The following PGLYRP3 variants were observed in gnomAD, a reference collection of about 807,000 sequenced individuals.
PGLYRP3 encodes peptidoglycan recognition protein I alpha.
Under a neutral mutation model 36.0 loss-of-function variants are expected in PGLYRP3, and 39 were observed. The observed-to-expected ratio is 1.08, with a 90% CI of 0.84 to 1.41. The LOEUF is 1.41. Ranked by LOEUF, PGLYRP3 falls within the 40% of genes most tolerant of loss-of-function variation. The pLI is 0.00. For missense variants in PGLYRP3, 407 were observed against 427.9 expected (o/e 0.95, Z 0.43); for synonymous variants, 204 against 172.8 (o/e 1.18, Z -1.42).
intron 6 of PGLYRP3, among the ~76,000 whole-genome samples, chr1:153,300,247 T>G (rs1659552202): frequency 6.6e-6 from 1 of 152,144 alleles, no homozygotes; most frequent in East Asian, 1.9e-4. Flanking sequence ...CTCTTCCTCC[T>G]TCTTTGCCTG....
At chr1:153,298,937 A>G (rs1245341832) in intron 7 of PGLYRP3, among the ~76,000 whole-genome samples, 176 bp downstream of exon 7, 1 of 152,150 alleles carries the variant, frequency 6.6e-6, no homozygotes, top group Non-Finnish European at 1.5e-5. Context: ...TTGGGGGTAA[A>G]TGCTCTGTCT....
At chr1:153,299,085 A>C (rs1557806616) in intron 7 of PGLYRP3, 28 bp downstream of exon 7, 2 of 1,579,154 alleles carry the variant, frequency 1.3e-6, no homozygotes, top group Admixed American at 1.7e-5. Flanking sequence ...AACCCCCAGC[A>C]CCCCTCTACC....
intron 6 of PGLYRP3, among the ~76,000 whole-genome samples, chr1:153,300,616 A>G (rs1659567097): frequency 6.6e-6 from 1 of 152,230 alleles, no homozygotes; most frequent in African/African-American, 2.4e-5. Flanking sequence ...CTGTAACAAG[A>G]ACTTTTGCCA....
rs1659446202 is a variant in PGLYRP3 at position 153,297,166 on chromosome 1, T to C, written c.*790A>G. Among the ~76,000 whole-genome samples, 4 of 152,276 alleles carry C rather than the reference T, an allele frequency of 2.6e-5. No individual in the cohort carries two copies. The highest frequency in any genetic ancestry group is 1.3e-4 in the Admixed American group (2 of 15,298). On this transcript the variant is annotated 3_prime_UTR_variant, in exon 8 of 8. Coordinates refer to ENST00000683862, the MANE Select transcript of PGLYRP3 (RefSeq NM_052891.3). ...TTCTTTAACAAACATCTGTAGAACC[T>C]ATTAAACTCCAAACACTGCTGAGGA...
At position 153,300,568 on chromosome 1, in the gene PGLYRP3, G is replaced by A. The variant is rs529956999; in HGVS notation, c.729-1337C>T. ...GCACACAAGCCTACAATAAGAACTA[G>A]CACAAAGACTCTCTGAAGGACTCTT... On this transcript the variant is annotated intron_variant, in intron 6 of 7. Transcript: ENST00000683862. 5.3e-4 allele frequency among the ~76,000 whole-genome samples: 81 copies of A among 152,262 alleles called. 2 individuals carry two copies. In the South Asian group the frequency reaches 0.016, roughly 31 times the overall value.
chr1:153,310,472 T>C (rs1418641303), intron 2 of PGLYRP3, 139 bp downstream of exon 2: 1 of 847,292 alleles, frequency 1.2e-6, no homozygotes, highest in Non-Finnish European at 2.0e-6. Flanking sequence ...CTGTAAACTC[T>C]AGAACAGGGC....
intron 3 of PGLYRP3, 79 bp from the exon 4 acceptor site, chr1:153,305,144 G>C: frequency 3.4e-6 from 4 of 1,181,292 alleles, no homozygotes; most frequent in South Asian, 2.9e-5. Context: ...AGGAAAAGGG[G>C]TTCTGGAGGC....
chr1:153,299,247 G>T lies in PGLYRP3; in HGVS notation c.729-16C>A. 1 of 1,581,426 alleles carries T rather than the reference G, an allele frequency of 6.3e-7. No homozygotes were observed. Among genetic ancestry groups the T allele is most frequent in the South Asian group, 1.1e-5 (1 of 90,170 alleles). On this transcript the variant is annotated splice_polypyrimidine_tract_variant and intron_variant, in intron 6 of 7. Coordinates refer to ENST00000683862, the MANE Select transcript of PGLYRP3 (RefSeq NM_052891.3). ...CACCAGGAAGCTTAGGTCAGGAAAA[G>T]AAAATGAAGACAGTCACTCTGGGAA...
At chr1:153,309,907 G>A (rs916931986) in intron 2 of PGLYRP3, among the ~76,000 whole-genome samples, 1 of 152,238 alleles carries the variant, frequency 6.6e-6, no homozygotes, top group Non-Finnish European at 1.5e-5. Flanking sequence ...TGAAAGGCCT[G>A]TGAGTTTCTC....
intron 2 of PGLYRP3, 131 bp from the exon 3 acceptor site, chr1:153,307,398 C>T: frequency 2.5e-6 from 2 of 814,360 alleles, no homozygotes; most frequent in Non-Finnish European, 1.9e-6. Flanking sequence ...TGGGGGAGCC[C>T]TTCACCACCA....
At chr1:153,303,239 C>G (rs1257508451) in intron 5 of PGLYRP3, among the ~76,000 whole-genome samples, 2 of 152,160 alleles carry the variant, frequency 1.3e-5, no homozygotes, top group Non-Finnish European at 2.9e-5. Flanking sequence ...TTTTATTACT[C>G]AGCTTTTTGT....
chr1:153,299,110 T>C lies in PGLYRP3; in HGVS notation c.847+3A>G. 1 of 1,612,918 alleles carries C rather than the reference T, an allele frequency of 6.2e-7. No individual in the cohort carries two copies. The highest frequency in any genetic ancestry group is 2.2e-5 in the East Asian group (1 of 44,876). ...ACCCCTCTACCCCATGCTCACCCCT[T>C]ACCTACAAAGTAGCCGATGAAGGCA... On this transcript the variant is annotated splice_donor_region_variant and intron_variant, in intron 7 of 7. Coordinates refer to ENST00000683862, the MANE Select transcript of PGLYRP3 (RefSeq NM_052891.3).
At chr1:153,308,028 G>A (rs1482913900) in intron 2 of PGLYRP3, among the ~76,000 whole-genome samples, 34 of 149,854 alleles carry the variant, frequency 2.3e-4, no homozygotes, top group Middle Eastern at 3.5e-3. Flanking sequence ...GGAGTCTCGC[G>A]CTGTCACCCA....
In PGLYRP3 at chr1:153,300,035, A is replaced by T. The variant is rs142504616; in HGVS notation, c.729-804T>A. 3.1e-3 allele frequency among the ~76,000 whole-genome samples: 465 copies of T among 152,300 alleles called. 3 individuals are homozygous for T. The highest frequency in any genetic ancestry group is 0.01 in the African/African-American group (416 of 41,556). On this transcript the variant is annotated intron_variant, in intron 6 of 7. Coordinates refer to ENST00000683862, the MANE Select transcript of PGLYRP3 (RefSeq NM_052891.3). Reference sequence around the variant, plus strand: ...ATTTTTCTAAAATACAAATCCTATCATAGAGCATGACCTCCCAAATAGTCT... The same window carrying T: ...ATTTTTCTAAAATACAAATCCTATCTTAGAGCATGACCTCCCAAATAGTCT...
chr1:153,302,373 GA>G (rs1358108085), intron 6 of PGLYRP3, 35 bp downstream of exon 6: 8 of 1,602,954 alleles, frequency 5.0e-6, no homozygotes, highest in Admixed American at 1.7e-5. Flanking sequence ...CAATCCTGAA[GA>G]AAAAGAGGGT....
At chr1:153,312,441 G>A (rs977890373) in intron 1 of PGLYRP3, among the ~76,000 whole-genome samples, 1 of 152,180 alleles carries the variant, frequency 6.6e-6, no homozygotes, top group Non-Finnish European at 1.5e-5. Context: ...AGATCCAGCA[G>A]TGGTGAAACC....
chr1:153,306,965 A>G, intron 3 of PGLYRP3, 101 bp downstream of exon 3: 2 of 1,110,544 alleles, frequency 1.8e-6, no homozygotes, highest in African/African-American at 1.8e-5. Context: ...TACAAAAGCA[A>G]TGTAAATGAA....
intron 2 of PGLYRP3, among the ~76,000 whole-genome samples, chr1:153,308,741 C>T (rs967603670): frequency 2.6e-5 from 4 of 152,210 alleles, no homozygotes; most frequent in African/African-American, 7.2e-5. Flanking sequence ...GGTCACCTAA[C>T]GTCTTCTAGC....
intron 5 of PGLYRP3, 63 bp from the exon 6 acceptor site, chr1:153,302,670 C>A: frequency 6.7e-7 from 1 of 1,494,864 alleles, no homozygotes; most frequent in South Asian, 1.1e-5. Context: ...AGCAATCACT[C>A]AACTCCAGGC....
Sources: allele counts gnomAD v4.1 joint callset (sites outside exome capture counted in the v4.1 genomes callset), GRCh38; gene constraint gnomAD v4.1.1; transcripts MANE v1.5; gene names NCBI Gene and HGNC (gene_info 2026-07-23, HGNC 2026-07-21).